The following MBP variants were observed in gnomAD, a reference collection of about 807,000 sequenced individuals.
MBP encodes the protein Golli-MBP.
MBP carries 16 observed loss-of-function variants against 35.8 expected under a neutral mutation model. The observed-to-expected ratio is 0.45, with a 90% CI of 0.30 to 0.68. The LOEUF (loss-of-function observed/expected upper bound fraction) is 0.68, where lower values mean the gene tolerates loss of function less well. Ranked by LOEUF, MBP falls within the 30% of genes least tolerant of loss-of-function variation. The probability of loss-of-function intolerance (pLI) is 0.08; values close to 1 mark genes in which losing one functional copy is unlikely to be tolerated. For synonymous variants in MBP, 143 were observed against 159.6 expected, an observed-to-expected ratio of 0.90 and a Z score of 0.78; for missense variants, 380 against 404.7, an observed-to-expected ratio of 0.94 and a Z score of 0.52.
chr18:77,005,100 C>G (rs1970862154), intron 4 of MBP: 1 of 152,178 alleles, frequency 6.6e-6, no homozygotes, highest in Non-Finnish European at 1.5e-5. Flanking sequence ...TTAAGTAAAC[C>G]CTTTCAGTGG....
intron 2 of MBP, among the ~76,000 whole-genome samples, chr18:77,083,634 A>G (rs1975069849): frequency 6.6e-6 from 1 of 152,240 alleles, no homozygotes; most frequent in Non-Finnish European, 1.5e-5. Flanking sequence ...ATATCTATAC[A>G]ATGGAATATT....
Position 77,098,243 on chromosome 18 carries a change from G to A in MBP, c.51+6968C>T, listed in dbSNP as rs145109579. On this transcript the variant is annotated intron_variant, in intron 2 of 8. Coordinates refer to ENST00000355994, the MANE Select transcript of MBP (RefSeq NM_001025101.2). ...TAACACCAAACAACACACAGCACTTGCTATGTACAAGGGGGTGCACCACAC... is the reference window on the plus strand; with the variant it reads ...TAACACCAAACAACACACAGCACTTACTATGTACAAGGGGGTGCACCACAC... Among the ~76,000 whole-genome samples the A allele has an allele frequency of 4.8e-3, 649 of 135,848 alleles. 3 individuals are homozygous for A. Among genetic ancestry groups the A allele is most frequent in the Non-Finnish European group, 6.2e-3 (408 of 65,482 alleles). 89.1% of individuals were successfully genotyped at this position (135,848 alleles called of 152,430 possible).
intron 4 of MBP, among the ~76,000 whole-genome samples, chr18:77,000,321 G>A (rs1199689753): frequency 1.3e-5 from 2 of 152,128 alleles, no homozygotes; most frequent in Non-Finnish European, 2.9e-5. Context: ...TGCAAATGCC[G>A]TTAAAAGTGA....
At chr18:77,025,682 G>A (rs545516310) in intron 3 of MBP, among the ~76,000 whole-genome samples, 2 of 143,108 alleles carry the variant, frequency 1.4e-5, no homozygotes, top group South Asian at 4.5e-4. Flanking sequence ...ATGACAGAGC[G>A]GACACTGTCC....
At chr18:77,110,150 T>C (rs890180907) in intron 1 of MBP, 6 of 152,262 alleles carry the variant, frequency 3.9e-5, no homozygotes, top group African/African-American at 1.4e-4. Context: ...TCTAGGAATA[T>C]ATTTTAGTTA....
intron 2 of MBP, among the ~76,000 whole-genome samples, chr18:77,085,371 G>GA (rs1468422959): frequency 1.3e-5 from 2 of 152,200 alleles, no homozygotes; most frequent in African/African-American, 4.8e-5. Flanking sequence ...ACCCTTCTCT[G>GA]AATGTGTAGC....
intron 4 of MBP, among the ~76,000 whole-genome samples, chr18:76,991,407 A>ACGGGGGCAGG: frequency 6.6e-6 from 1 of 152,056 alleles, no homozygotes; most frequent in Non-Finnish European, 1.5e-5. Context: ...CACAGGGGAC[A>ACGGGGGCAGG]TGGGGGCAGG....
chr18:77,094,624 G>A (rs1262995984), intron 2 of MBP, among the ~76,000 whole-genome samples: 1 of 149,182 alleles, frequency 6.7e-6, no homozygotes, highest in Non-Finnish European at 1.5e-5. Flanking sequence ...AAATGTGACT[G>A]TATTTTTCAG....
rs1056059339 is a variant in MBP at position 77,131,998 on chromosome 18, G to T, written c.-26+582C>A. Among the ~76,000 whole-genome samples, 31 of 152,194 alleles carry T rather than the reference G, an allele frequency of 2.0e-4. No individual in the cohort carries two copies. Among genetic ancestry groups the T allele is most frequent in the African/African-American group, 4.8e-4 (20 of 41,466 alleles). On this transcript the variant is annotated intron_variant, in intron 1 of 8. Coordinates refer to ENST00000355994, the MANE Select transcript of MBP (RefSeq NM_001025101.2). This position sits in a 1 kb window ranked among gnomAD's most constrained non-coding sequence, Gnocchi z 5.5. ...AGGGAGACTGCGCTTCGCCCCGGGG[G>T]CAGGGGCAGGAGCGCGATCGCGCGC... is the stretch of plus-strand genomic sequence containing the variant.
intron 2 of MBP, among the ~76,000 whole-genome samples, chr18:77,088,619 C>A (rs965445161): frequency 6.6e-6 from 1 of 152,004 alleles, no homozygotes; most frequent in Admixed American, 6.6e-5. Context: ...GGTAAAGTTG[C>A]CATTATTAAA....
At chr18:77,079,510 T>C (rs1406707929) in intron 2 of MBP, among the ~76,000 whole-genome samples, 1 of 152,336 alleles carries the variant, frequency 6.6e-6, no homozygotes, top group Non-Finnish European at 1.5e-5. Context: ...GGTAATGAGA[T>C]TGCGCATATT....
Position 77,020,089 on chromosome 18 carries a change from G to A in MBP, c.140-2821C>T, listed in dbSNP as rs1300212319. On this transcript the variant is annotated intron_variant, in intron 3 of 8. Transcript: ENST00000355994. The surrounding 1 kb of genome is among the most constrained non-coding windows in gnomAD (Gnocchi z 4.1). ...TGGTTTGGGGAGCAGCGGGGCCTGG[G>A]GAGGGAAGATTCTAGTGGACGGCCT... 6.6e-6 allele frequency among the ~76,000 whole-genome samples: 1 copy of A among 152,184 alleles called. No individual in the cohort carries two copies. Among genetic ancestry groups the A allele is most frequent in the African/African-American group, 2.4e-5 (1 of 41,434 alleles).
At chr18:77,031,698 A>G (rs1300495953) in intron 3 of MBP, among the ~76,000 whole-genome samples, 1 of 152,210 alleles carries the variant, frequency 6.6e-6, no homozygotes, top group Non-Finnish European at 1.5e-5. Flanking sequence ...ACCAGGGCCT[A>G]TTTGCAGACC....
At chr18:77,073,622 T>C (rs986763435) in intron 2 of MBP, among the ~76,000 whole-genome samples, 1 of 152,234 alleles carries the variant, frequency 6.6e-6, no homozygotes, top group Non-Finnish European at 1.5e-5. Flanking sequence ...TCCCAAGACC[T>C]GTTATTTGCT....
chr18:77,062,183 T>C (rs775188241), intron 3 of MBP, among the ~76,000 whole-genome samples: 14 of 152,194 alleles, frequency 9.2e-5, no homozygotes, highest in Non-Finnish European at 5.9e-5. Flanking sequence ...TCCCTTAGTA[T>C]AATTTAGGGA....
At chr18:77,049,544 A>T (rs1276936989) in intron 3 of MBP, among the ~76,000 whole-genome samples, 1 of 152,216 alleles carries the variant, frequency 6.6e-6, no homozygotes, top group Non-Finnish European at 1.5e-5. Context: ...TTTCATGCTC[A>T]GATTTATTTA....
intron 3 of MBP, among the ~76,000 whole-genome samples, chr18:77,053,353 T>A (rs1973586041): frequency 6.6e-6 from 1 of 152,232 alleles, no homozygotes. Context: ...GGGACTGAGC[T>A]CCGTCCTCAG....
At chr18:77,091,935 TA>T (rs1975546206) in intron 2 of MBP, among the ~76,000 whole-genome samples, 2 of 152,214 alleles carry the variant, frequency 1.3e-5, no homozygotes, top group South Asian at 4.1e-4. Context: ...TTCCATTATA[TA>T]AAAAGTCTCA....
In MBP at chr18:76,989,335, T is replaced by C. The variant is rs563290182; in HGVS notation, c.682-423A>G. Among the ~76,000 whole-genome samples, 4 of 152,354 alleles carry C rather than the reference T, an allele frequency of 2.6e-5. No individual in the cohort carries two copies. Among genetic ancestry groups the C allele is most frequent in the African/African-American group, 9.6e-5 (4 of 41,582 alleles). The stretch of plus-strand genomic sequence containing the variant: ...GCACTTATCGAATACGAGCATAAAA[T>C]GTCTGCTGCACTGAGATCTTGGAAT... On this transcript the variant is annotated intron_variant, in intron 5 of 8. Coordinates refer to ENST00000355994, the MANE Select transcript of MBP (RefSeq NM_001025101.2). The surrounding 1 kb of genome is among the most constrained non-coding windows in gnomAD (Gnocchi z 4.0).
Sources: gnomAD v4.1 joint callset for allele counts (sites outside exome capture counted in the v4.1 genomes callset) on GRCh38, gnomAD v4.1.1 for gene constraint, Gnocchi (gnomAD v3.1) non-coding constraint, MANE v1.5 for transcripts, NCBI Gene and HGNC (gene_info 2026-07-23, HGNC 2026-07-21) for gene names.